ADGRL3: variants seen among roughly 807,000 people sequenced by gnomAD.
ADGRL3 encodes adhesion G protein-coupled receptor L3, also known as calcium-independent alpha-latrotoxin receptor 3.
ADGRL3 carries 62 observed loss-of-function variants against 153.5 expected under a neutral mutation model. The ratio of observed to expected loss-of-function variants is 0.40; its 90% CI spans 0.33 to 0.50. The LOEUF (loss-of-function observed/expected upper bound fraction) is 0.50. Ranked by LOEUF, ADGRL3 falls within the 20% of genes least tolerant of loss-of-function variation. The probability of loss-of-function intolerance (pLI) is 0.47; values close to 1 mark genes in which losing one functional copy is unlikely to be tolerated. For synonymous variants in ADGRL3, 710 were observed against 672.5 expected (o/e 1.06, Z -0.86); for missense variants, 1,641 against 1,859.4 (o/e 0.88, Z 2.16).
chr4:62,046,385 G>A (rs1300615542), intron 25 of ADGRL3, among the ~76,000 whole-genome samples: 1 of 151,860 alleles, frequency 6.6e-6, no homozygotes, highest in African/African-American at 2.4e-5. Flanking sequence ...TGGGCTTAAA[G>A]TTAATCACTA....
Position 61,476,708 on chromosome 4 carries a change from T to TA in ADGRL3, c.-173-20383dup, listed in dbSNP as rs34866230. The stretch of plus-strand genomic sequence containing the variant: ...TGGGCAACAAGAGCAAGACTCTGTC[T>TA]AAAAAAAAAAAAAAAAAAAAAAAAA... On this transcript the variant is annotated intron_variant, in intron 2 of 26. Transcript: ENST00000683033. Among the ~76,000 whole-genome samples, 270 of 33,568 alleles carry TA rather than the reference T, an allele frequency of 8.0e-3. 32 individuals are homozygous for TA. The highest frequency in any genetic ancestry group is 0.024 in the African/African-American group (184 of 7,716). 22.0% of individuals were successfully genotyped at this position (33,568 alleles called of 152,430 possible).
At chr4:61,442,587 T>TA (rs1311997997) in intron 2 of ADGRL3, among the ~76,000 whole-genome samples, 1 of 151,984 alleles carries the variant, frequency 6.6e-6, no homozygotes, top group East Asian at 1.9e-4. Flanking sequence ...AGAAGGCAGT[T>TA]ATGAGGAGTA....
intron 9 of ADGRL3, among the ~76,000 whole-genome samples, chr4:61,837,211 G>A (rs1218024634): frequency 6.6e-6 from 1 of 152,032 alleles, no homozygotes; most frequent in Non-Finnish European, 1.5e-5. Context: ...ACTGTGCCAG[G>A]GAGGAAAAAC....
intron 6 of ADGRL3, among the ~76,000 whole-genome samples, chr4:61,707,399 C>A (rs1338339736): frequency 1.3e-5 from 2 of 152,080 alleles, no homozygotes; most frequent in African/African-American, 4.8e-5. Context: ...CTGCAAATCA[C>A]AGTAAAATGA....
intron 11 of ADGRL3, among the ~76,000 whole-genome samples, chr4:61,901,274 C>T (rs7690962): frequency 0.5 from 75,822 of 151,954 alleles, 19,105 homozygotes; most frequent in African/African-American, 0.55. Context: ...TTCCAGATAC[C>T]GCGAGGTTAT....
intron 11 of ADGRL3, among the ~76,000 whole-genome samples, chr4:61,899,100 T>C (rs950696234): frequency 2.6e-5 from 4 of 152,190 alleles, no homozygotes; most frequent in Non-Finnish European, 4.4e-5. Context: ...TTTCTACCTC[T>C]GCAGCTCCAT....
chr4:62,009,654 C>A (rs60491652), intron 21 of ADGRL3, among the ~76,000 whole-genome samples: 1 of 152,032 alleles, frequency 6.6e-6, no homozygotes, highest in African/African-American at 2.4e-5. Flanking sequence ...ACTTCTGAAC[C>A]AAATACATGC....
chr4:61,818,358 T>A (rs927972094), intron 9 of ADGRL3, among the ~76,000 whole-genome samples: 1 of 152,154 alleles, frequency 6.6e-6, no homozygotes, highest in African/African-American at 2.4e-5. Flanking sequence ...GTTGTCATGG[T>A]CTTGGGCAGC....
chr4:61,709,163 T>C (rs953056005), intron 6 of ADGRL3, among the ~76,000 whole-genome samples: 5 of 152,194 alleles, frequency 3.3e-5, no homozygotes, highest in African/African-American at 1.2e-4. Context: ...ATTTGTTATA[T>C]TGATCTTATT....
chr4:61,744,706 A>C (rs112400269), intron 8 of ADGRL3, among the ~76,000 whole-genome samples: 13,157 of 152,044 alleles, frequency 0.087, 1,206 homozygotes, highest in African/African-American at 0.23. Flanking sequence ...ACACCAAAAA[A>C]CCATCTGTAC....
intron 8 of ADGRL3, among the ~76,000 whole-genome samples, chr4:61,741,107 A>C (rs2096575801): frequency 6.6e-6 from 1 of 152,196 alleles, no homozygotes; most frequent in Admixed American, 6.5e-5. Flanking sequence ...TTACTATGAC[A>C]GCTGAGTAAT....
rs967592806 is a variant in ADGRL3, at chr4:61,588,608, G to C, written c.473+1168G>C. 2.0e-5 allele frequency among the ~76,000 whole-genome samples: 3 copies of C among 151,950 alleles called. No individual in the cohort carries two copies. The South Asian group carries it at 6.2e-4, about 31-fold the overall frequency. ...TTACTAAAATGATGGCTCATGCTAA[G>C]GTGAGCATTAATAAGAAATAAGATA... On this transcript the variant is annotated intron_variant, in intron 5 of 26. Coordinates refer to ENST00000683033, the MANE Select transcript of ADGRL3 (RefSeq NM_001387552.1).
intron 2 of ADGRL3, among the ~76,000 whole-genome samples, chr4:61,446,832 T>G (rs776980272): frequency 2.6e-5 from 4 of 152,166 alleles, no homozygotes; most frequent in Non-Finnish European, 4.4e-5. Context: ...ACCCATTTGT[T>G]TTCCCTACTT....
intron 1 of ADGRL3, among the ~76,000 whole-genome samples, chr4:61,299,019 GAT>G (rs2094498879): frequency 6.6e-6 from 1 of 152,118 alleles, no homozygotes; most frequent in South Asian, 2.1e-4. Context: ...TTGCAAATGA[GAT>G]AATAAGTACA....
chr4:61,297,052 T>C lies in ADGRL3; in HGVS notation c.-239-86072T>C, dbSNP rs547523012. 2.6e-5 allele frequency among the ~76,000 whole-genome samples: 4 copies of C among 152,288 alleles called. No individual in the cohort carries two copies. The East Asian group carries it at 7.7e-4, about 29-fold the overall frequency. Reference sequence around the variant, plus strand: ...ACCATAAACAACAAAAAATAGTAGATCAATGTGTAGCACATTATTATAAAT... The same window carrying C: ...ACCATAAACAACAAAAAATAGTAGACCAATGTGTAGCACATTATTATAAAT... On this transcript the variant is annotated intron_variant, in intron 1 of 26. Transcript: ENST00000683033.
chr4:61,682,348 C>T (rs1580257922), intron 6 of ADGRL3, among the ~76,000 whole-genome samples: 1 of 151,958 alleles, frequency 6.6e-6, no homozygotes, highest in East Asian at 1.9e-4. Flanking sequence ...TCCCTTACCA[C>T]AGTTTCTTTC....
chr4:61,220,917 A>G (rs1745166272), intron 1 of ADGRL3, among the ~76,000 whole-genome samples: 2 of 152,226 alleles, frequency 1.3e-5, no homozygotes, highest in South Asian at 4.1e-4. Flanking sequence ...ATATATACAT[A>G]ATATATATGG....
intron 1 of ADGRL3, among the ~76,000 whole-genome samples, chr4:61,309,344 A>G (rs1438116773): frequency 6.6e-6 from 1 of 151,774 alleles, no homozygotes; most frequent in Non-Finnish European, 1.5e-5. Flanking sequence ...CACCTTTTTC[A>G]CTCCCTCTAT....
intron 2 of ADGRL3, among the ~76,000 whole-genome samples, chr4:61,423,155 T>C (rs1413627208): frequency 2.6e-5 from 4 of 152,200 alleles, no homozygotes; most frequent in African/African-American, 9.7e-5. Context: ...AATTTTGCAG[T>C]TTTACATATC....
Sources: allele counts gnomAD v4.1 joint callset (sites outside exome capture counted in the v4.1 genomes callset), GRCh38; gene constraint gnomAD v4.1.1; transcripts MANE v1.5; gene names NCBI Gene and HGNC (gene_info 2026-07-23, HGNC 2026-07-21).